The following DDX19A variants were observed in gnomAD, a reference collection of about 807,000 sequenced individuals.
The protein encoded by DDX19A is ATP-dependent RNA helicase DDX19A.
In DDX19A, 12 loss-of-function variants were observed where a neutral mutation model predicts 60.6. That is an observed-to-expected ratio of 0.20 (90% CI 0.13 to 0.32). DDX19A has a LOEUF of 0.32. Ranked by LOEUF, DDX19A falls within the 10% of genes least tolerant of loss-of-function variation. The pLI is 1.00. For missense variants in DDX19A, 337 were observed against 600.6 expected, an observed-to-expected ratio of 0.56 and a Z score of 4.59; for synonymous variants, 206 against 218.2, an observed-to-expected ratio of 0.94 and a Z score of 0.49.
Position 70,356,324 on chromosome 16 carries a change from G to T in DDX19A, c.293+77G>T, listed in dbSNP as rs1010415417. 3.8e-6 allele frequency: 6 copies of T among 1,559,274 alleles called. No homozygotes were observed. The African/African-American group carries it at 6.9e-5, about 18-fold the overall frequency. On this transcript the variant is annotated intron_variant, in intron 4 of 11. Coordinates refer to ENST00000302243, the MANE Select transcript of DDX19A (RefSeq NM_018332.5). Reference sequence around the variant, plus strand: ...AAAACTTAGCATCTGAGAGATTCTTGTGAGAATTTTACTTTTAAAAATTTA... The same window carrying T: ...AAAACTTAGCATCTGAGAGATTCTTTTGAGAATTTTACTTTTAAAAATTTA...
At chr16:70,356,930 T>A in intron 4 of DDX19A, 2 of 1,116,468 alleles carry the variant, frequency 1.8e-6, no homozygotes, top group Non-Finnish European at 2.3e-6. Context: ...TGAGAACATG[T>A]GCTATTTGTT....
intron 9 of DDX19A, among the ~76,000 whole-genome samples, chr16:70,367,770 G>A (rs954003329): frequency 2.6e-5 from 4 of 151,974 alleles, no homozygotes; most frequent in Admixed American, 2.0e-4. Flanking sequence ...CCAGCTACTC[G>A]GGAGGCTGAG....
intron 4 of DDX19A, chr16:70,356,964 A>G (rs1964212066): frequency 2.0e-6 from 2 of 1,014,510 alleles, no homozygotes; most frequent in African/African-American, 1.7e-5. Context: ...AAAAAAAAAA[A>G]AAGGCCAGGC....
Position 70,372,058 on chromosome 16 carries a change from G to A in DDX19A, c.*72G>A. 1.2e-6 allele frequency: 2 copies of A among 1,610,052 alleles called. No homozygotes were observed. Among genetic ancestry groups the A allele is most frequent in the African/African-American group, 1.3e-5 (1 of 74,952 alleles). On this transcript the variant is annotated 3_prime_UTR_variant, in exon 12 of 12. Transcript: ENST00000302243. ...AGGAGACAAGTGCATTTAGGGCACA[G>A]GCCCCGACATCACCCCAAGGACAAC...
chr16:70,357,495 C>CTGCCT (rs1177226572), intron 4 of DDX19A, among the ~76,000 whole-genome samples: 2 of 145,302 alleles, frequency 1.4e-5, no homozygotes, highest in Non-Finnish European at 3.0e-5. Context: ...AGCGATTCTC[C>CTGCCT]TGCCTTAGCC....
chr16:70,364,630 A>G lies in DDX19A; in HGVS notation c.474A>G (p.Ser158=), dbSNP rs61755352. 5,065 of 1,614,138 alleles carry G rather than the reference A, an allele frequency of 3.1e-3. 23 individuals are homozygous for G. The highest frequency in any genetic ancestry group is 3.0e-3 in the Non-Finnish European group (3,487 of 1,179,980). ...VLAMLSRVEP[S]DRYPQCLCLS... The stretch of plus-strand genomic sequence containing the variant: ...CCATGCTCAGCCGAGTGGAGCCATC[A>G]GACAGATACCCCCAGGTGAGGGCTT... Residue 158 remains serine (S), a synonymous_variant, in exon 6 of 12, where the codon TCA becomes TCG. Transcript: ENST00000302243.
intron 1 of DDX19A, chr16:70,347,918 G>A: frequency 5.0e-6 from 2 of 401,904 alleles, no homozygotes; most frequent in South Asian, 3.4e-5. Flanking sequence ...TCGAACTCCC[G>A]ACCTCAAGTG....
chr16:70,369,767 C>T (rs1192418073), intron 9 of DDX19A, among the ~76,000 whole-genome samples: 1 of 151,744 alleles, frequency 6.6e-6, no homozygotes. Context: ...TACAGGCCTA[C>T]ACCACCATGC....
chr16:70,364,228 C>T, intron 5 of DDX19A: 1 of 235,024 alleles, frequency 4.3e-6, no homozygotes, highest in Non-Finnish European at 8.3e-6. Flanking sequence ...CTTGTCTGGG[C>T]ACAGATCTTA....
In DDX19A at chr16:70,366,675, C is replaced by T. The variant is rs1396512626; in HGVS notation, c.834C>T (p.Asp278=). 1 of 1,614,124 alleles carries T rather than the reference C, an allele frequency of 6.2e-7. No individual in the cohort carries two copies. Among genetic ancestry groups the T allele is most frequent in the East Asian group, 2.2e-5 (1 of 44,894 alleles). ...QMLLFSATFE[D]SVWKFAQKVV... ...TGCTTTTCTCCGCCACCTTTGAAGA[C>T]TCTGTGTGGAAGTTTGCCCAGAAAG... Residue 278 remains aspartate (D), a synonymous_variant, in exon 9 of 12, where the codon GAC becomes GAT. Transcript: ENST00000302243.
chr16:70,353,003 T>C (rs1245349625), intron 2 of DDX19A, among the ~76,000 whole-genome samples: 1 of 152,184 alleles, frequency 6.6e-6, no homozygotes, highest in African/African-American at 2.4e-5. Flanking sequence ...CTATTATAAA[T>C]AATGCTTCAT....
chr16:70,356,875 G>C, intron 4 of DDX19A: 3 of 1,275,526 alleles, frequency 2.4e-6, no homozygotes, highest in Non-Finnish European at 3.1e-6. Flanking sequence ...GCTGACAGGT[G>C]ATTTCTGGAT....
intron 4 of DDX19A, among the ~76,000 whole-genome samples, chr16:70,357,546 C>T (rs1964251238): frequency 6.6e-6 from 1 of 151,340 alleles, no homozygotes; most frequent in East Asian, 2.0e-4. Context: ...CCACAACACC[C>T]AGCTAATTTT....
At chr16:70,357,270 AAT>A (rs201123041) in intron 4 of DDX19A, among the ~76,000 whole-genome samples, 51,185 of 122,692 alleles carry the variant, frequency 0.42, 10,398 homozygotes, top group African/African-American at 0.43. Context: ...AAAAAAAAAA[AAT>A]ATATATATAT....
intron 1 of DDX19A, chr16:70,347,306 C>T (rs1263313287): frequency 1.9e-6 from 1 of 539,440 alleles, no homozygotes; most frequent in Non-Finnish European, 3.3e-6. Context: ...CTCTATTGAC[C>T]TCCTCGGTGA....
At chr16:70,353,138 T>TAG (rs1296407735) in intron 2 of DDX19A, among the ~76,000 whole-genome samples, 1 of 151,916 alleles carries the variant, frequency 6.6e-6, no homozygotes, top group African/African-American at 2.4e-5. Flanking sequence ...TCTTTTTTTT[T>TAG]TTCTTTGAGA....
At chr16:70,350,863 AT>A (rs1963990025) in intron 2 of DDX19A, among the ~76,000 whole-genome samples, 1 of 149,624 alleles carries the variant, frequency 6.7e-6, no homozygotes. Context: ...TTATTTATTT[AT>A]TTATTTATTT....
At chr16:70,370,106 A>G in intron 9 of DDX19A, 117 bp from the exon 10 acceptor site, 2 of 1,389,252 alleles carry the variant, frequency 1.4e-6, no homozygotes, top group Non-Finnish European at 1.9e-6. Context: ...CCAAGGCAGG[A>G]TAATGACTTG....
chr16:70,355,557 T>G (rs1409294341), intron 3 of DDX19A, 22 bp downstream of exon 3: 2 of 1,610,256 alleles, frequency 1.2e-6, no homozygotes, highest in Non-Finnish European at 1.7e-6. Context: ...TGGATGCCCT[T>G]GGCAAGAGAC....
Sources: gnomAD v4.1 joint callset for allele counts (sites outside exome capture counted in the v4.1 genomes callset) on GRCh38, gnomAD v4.1.1 for gene constraint, MANE v1.5 for transcripts, NCBI Gene and HGNC (gene_info 2026-07-23, HGNC 2026-07-21) for gene names.